The following NDST4 variants were observed in gnomAD, a reference collection of about 807,000 sequenced individuals.
NDST4 encodes the protein N-deacetylase and N-sulfotransferase 4.
In NDST4, 63 loss-of-function variants were observed where a neutral mutation model predicts 100.8. That is an observed-to-expected ratio of 0.62 (90% CI 0.51 to 0.77). The LOEUF (loss-of-function observed/expected upper bound fraction) is 0.77, where lower values mean the gene tolerates loss of function less well. NDST4 is among the 30% of genes least tolerant of loss of function. NDST4 has a pLI of 0.00. For synonymous variants in NDST4, 377 were observed against 361.8 expected, an observed-to-expected ratio of 1.04 and a Z score of -0.48; for missense variants, 943 against 1,018.4, an observed-to-expected ratio of 0.93 and a Z score of 1.01.
At chr4:114,850,300 C>T (rs1247016978) in intron 8 of NDST4, among the ~76,000 whole-genome samples, 1 of 152,230 alleles carries the variant, frequency 6.6e-6, no homozygotes, top group African/African-American at 2.4e-5. Context: ...ACCCCGATCT[C>T]CCCTGGCCTA....
chr4:114,965,281 AT>A (rs1726355567), intron 4 of NDST4, among the ~76,000 whole-genome samples: 1 of 152,066 alleles, frequency 6.6e-6, no homozygotes, highest in Non-Finnish European at 1.5e-5. Flanking sequence ...GTTTCATTTC[AT>A]TATACTATTA....
intron 6 of NDST4, among the ~76,000 whole-genome samples, chr4:114,916,921 C>A (rs115038072): frequency 0.012 from 1,825 of 151,774 alleles, 40 homozygotes; most frequent in African/African-American, 0.042. Flanking sequence ...CACTATAAAT[C>A]TTTAATAAAT....
intron 2 of NDST4, among the ~76,000 whole-genome samples, chr4:115,055,599 T>C (rs1423268725): frequency 6.6e-6 from 1 of 152,190 alleles, no homozygotes; most frequent in Non-Finnish European, 1.5e-5. Context: ...ATATCGGTTA[T>C]TGAGTCCAAA....
intron 1 of NDST4, among the ~76,000 whole-genome samples, chr4:115,101,081 T>C (rs959722425): frequency 6.6e-6 from 1 of 152,032 alleles, no homozygotes; most frequent in Admixed American, 6.6e-5. Context: ...TTCACAGTCA[T>C]TCATTTAAAA....
rs145468307 is a variant in NDST4, at chr4:114,921,866, C to T, written c.1536+13340G>A. ...TTCCCCTTTTCCCTGCTCCCCTTGACTCACTCCCCTGCTGTCCCTTTTTAT... is the reference window on the plus strand; with the variant it reads ...TTCCCCTTTTCCCTGCTCCCCTTGATTCACTCCCCTGCTGTCCCTTTTTAT... On this transcript the variant is annotated intron_variant, in intron 6 of 13. Coordinates refer to ENST00000264363, the MANE Select transcript of NDST4 (RefSeq NM_022569.3). Among the ~76,000 whole-genome samples, 1,477 of 152,176 alleles carry T rather than the reference C, an allele frequency of 9.7e-3. 18 individuals are homozygous for T. Among genetic ancestry groups the T allele is most frequent in the Non-Finnish European group, 0.013 (864 of 68,000 alleles).
chr4:114,996,559 T>A (rs1727168907), intron 2 of NDST4, among the ~76,000 whole-genome samples: 1 of 152,066 alleles, frequency 6.6e-6, no homozygotes. Flanking sequence ...AGAGGCCTTT[T>A]AAGGACTGAT....
chr4:114,912,416 C>A (rs1725080424), intron 6 of NDST4, among the ~76,000 whole-genome samples: 1 of 152,106 alleles, frequency 6.6e-6, no homozygotes, highest in African/African-American at 2.4e-5. Context: ...AATGTCAAAA[C>A]CATTCTCCCC....
intron 1 of NDST4, among the ~76,000 whole-genome samples, chr4:115,090,142 C>G (rs113791770): frequency 0.013 from 1,921 of 151,608 alleles, 41 homozygotes; most frequent in African/African-American, 0.044. Flanking sequence ...TTTTAGAAGA[C>G]TTTTTCTAAT....
Position 115,073,097 on chromosome 4 carries a change from G to A in NDST4, c.978+2962C>T, listed in dbSNP as rs566668886. On this transcript the variant is annotated intron_variant, in intron 2 of 13. Coordinates refer to ENST00000264363, the MANE Select transcript of NDST4 (RefSeq NM_022569.3). ...ACATCGCTAACTATCAGGGAAATGC[G>A]TGTCAAAACCATAATGAGATATCAC... 1.8e-4 allele frequency among the ~76,000 whole-genome samples: 28 copies of A among 152,044 alleles called. No individual in the cohort carries two copies. The South Asian group carries it at 1.9e-3, about 10-fold the overall frequency.
chr4:114,893,583 G>C (rs1724645575), intron 6 of NDST4, among the ~76,000 whole-genome samples: 1 of 151,452 alleles, frequency 6.6e-6, no homozygotes, highest in African/African-American at 2.4e-5. Flanking sequence ...TCCACTTTCT[G>C]ATGTGTTTTT....
At chr4:114,850,639 T>A (rs956471835) in intron 8 of NDST4, among the ~76,000 whole-genome samples, 3 of 152,188 alleles carry the variant, frequency 2.0e-5, no homozygotes, top group African/African-American at 7.2e-5. Context: ...TAGAAACTAT[T>A]CTATTTTATA....
chr4:114,933,367 C>T (rs1295460889), intron 6 of NDST4, among the ~76,000 whole-genome samples: 4 of 147,338 alleles, frequency 2.7e-5, no homozygotes, highest in Admixed American at 6.8e-5. Flanking sequence ...AACTGGAAAA[C>T]TACTAGAAGG....
chr4:114,957,947 G>T (rs1560830515), intron 4 of NDST4, among the ~76,000 whole-genome samples: 3 of 152,202 alleles, frequency 2.0e-5, no homozygotes, highest in Admixed American at 6.5e-5. Flanking sequence ...GCAGGGTAGA[G>T]CCCCCTTCCT....
intron 7 of NDST4, among the ~76,000 whole-genome samples, chr4:114,864,563 AG>A (rs1302521221): frequency 1.3e-5 from 2 of 152,178 alleles, no homozygotes; most frequent in Non-Finnish European, 2.9e-5. Flanking sequence ...TAATAGATTA[AG>A]GGTGTTTATT....
chr4:115,093,402 G>C (rs961979667), intron 1 of NDST4, among the ~76,000 whole-genome samples: 6 of 152,134 alleles, frequency 3.9e-5, no homozygotes, highest in Middle Eastern at 3.4e-3. Flanking sequence ...GTGAATCCGG[G>C]AGGCAGAGCT....
chr4:115,092,777 A>T (rs1056596851), intron 1 of NDST4, among the ~76,000 whole-genome samples: 1 of 152,172 alleles, frequency 6.6e-6, no homozygotes, highest in Admixed American at 6.5e-5. Flanking sequence ...TAAGAGAAAA[A>T]TATTCAATTA....
intron 7 of NDST4, among the ~76,000 whole-genome samples, chr4:114,855,291 TTTGC>T (rs1186617385): frequency 6.6e-6 from 1 of 151,982 alleles, no homozygotes; most frequent in Non-Finnish European, 1.5e-5. Context: ...TGTGATCCCA[TTTGC>T]CCATTTTTGC....
chr4:115,036,882 A>T (rs1303864402), intron 2 of NDST4, among the ~76,000 whole-genome samples: 1 of 152,062 alleles, frequency 6.6e-6, no homozygotes, highest in African/African-American at 2.4e-5. Flanking sequence ...GTTTATTTTC[A>T]TACTGATAAT....
chr4:114,938,084 C>G (rs1725672653), intron 4 of NDST4, among the ~76,000 whole-genome samples: 1 of 152,086 alleles, frequency 6.6e-6, no homozygotes, highest in African/African-American at 2.4e-5. Flanking sequence ...TTAAGATAAA[C>G]TGTAAGGGGA....
Sources: allele counts gnomAD v4.1 joint callset (sites outside exome capture counted in the v4.1 genomes callset), GRCh38; gene constraint gnomAD v4.1.1; transcripts MANE v1.5; gene names NCBI Gene and HGNC (gene_info 2026-07-23, HGNC 2026-07-21).